Variants in SETBP1 observed in about 807,000 individuals in gnomAD.
The protein encoded by SETBP1 is SET binding protein 1.
Under a neutral mutation model 101.0 loss-of-function variants are expected in SETBP1, and 9 were observed. The observed-to-expected ratio is 0.09, with a 90% CI of 0.05 to 0.16. The LOEUF (loss-of-function observed/expected upper bound fraction) is 0.16, where lower values mean the gene tolerates loss of function less well. SETBP1 is among the 10% of genes least tolerant of loss of function. SETBP1 has a pLI of 1.00. For missense variants in SETBP1, 1,858 were observed against 2,033.8 expected, an observed-to-expected ratio of 0.91 and a Z score of 1.66; for synonymous variants, 818 against 788.5, an observed-to-expected ratio of 1.04 and a Z score of -0.63.
At chr18:44,908,408 T>G (rs747510020) in intron 3 of SETBP1, among the ~76,000 whole-genome samples, 9 of 152,158 alleles carry the variant, frequency 5.9e-5, no homozygotes, top group Non-Finnish European at 1.0e-4. Flanking sequence ...TTCTTTTGCA[T>G]GTGTATATCA....
In SETBP1 at chr18:45,063,333, G is replaced by C; in HGVS notation, c.4426G>C (p.Glu1476Gln). ...EDSRDQMPVL[E>Q]KCIDLPSKRG... ...CTCCAGAGACCAAATGCCGGTGCTG[G>C]AAAAATGCATCGACCTGCCCAGCAA... Residue 1476 changes from glutamate (E) to glutamine (Q), a missense_variant, in exon 6 of 6, where the codon GAA becomes CAA. Glu to Gln is a conservative substitution (Grantham distance 29, BLOSUM62 2). Around this residue, in one of 12 missense-constraint regions of SETBP1, gnomAD observed 178 missense variants for 189.1 expected, o/e 0.94. Coordinates refer to ENST00000649279, the MANE Select transcript of SETBP1 (RefSeq NM_015559.3). 1.3e-6 allele frequency: 2 copies of C among 1,595,098 alleles called. No individual in the cohort carries two copies. Among genetic ancestry groups the C allele is most frequent in the Non-Finnish European group, 1.7e-6 (2 of 1,170,996 alleles).
At chr18:44,730,915 C>A (rs559248904) in intron 2 of SETBP1, among the ~76,000 whole-genome samples, 1 of 152,208 alleles carries the variant, frequency 6.6e-6, no homozygotes, top group Non-Finnish European at 1.5e-5. Context: ...GGTTGTGGAT[C>A]GGCCTAGTAG....
In SETBP1 at chr18:44,844,721, AGGCGGCAT is replaced by A. The variant is rs1568176780; in HGVS notation, c.487-24507_487-24500del. Among the ~76,000 whole-genome samples, 3 of 152,056 alleles carry A rather than the reference AGGCGGCAT, an allele frequency of 2.0e-5. No homozygotes were observed. In the East Asian group the frequency reaches 5.8e-4, roughly 30 times the overall value. On this transcript the variant is annotated intron_variant, in intron 2 of 5. Coordinates refer to ENST00000649279, the MANE Select transcript of SETBP1 (RefSeq NM_015559.3). ...CATGAATTAGGTGGACAGCTCAGCA[AGGCGGCAT>A]GTGCTAAGTGCCTCCATGAGGGTTC...
chr18:44,808,809 C>A (rs1334014677), intron 2 of SETBP1, among the ~76,000 whole-genome samples: 3 of 152,160 alleles, frequency 2.0e-5, no homozygotes, highest in Non-Finnish European at 4.4e-5. Context: ...GGAAGACTTA[C>A]AAAACAAACA....
At chr18:44,924,001 C>G (rs527768506) in intron 3 of SETBP1, among the ~76,000 whole-genome samples, 39 of 152,274 alleles carry the variant, frequency 2.6e-4, no homozygotes, top group African/African-American at 9.4e-4. Flanking sequence ...GAGACCCACA[C>G]TCCAGTCCGT....
intron 3 of SETBP1, among the ~76,000 whole-genome samples, chr18:44,925,327 G>T (rs2070682207): frequency 6.6e-6 from 1 of 152,108 alleles, no homozygotes; most frequent in Admixed American, 6.5e-5. Flanking sequence ...AAGAAGAGAG[G>T]ACAGGCTGTA....
At chr18:44,810,229 G>T (rs540158068) in intron 2 of SETBP1, among the ~76,000 whole-genome samples, 3 of 152,332 alleles carry the variant, frequency 2.0e-5, no homozygotes, top group South Asian at 2.1e-4. Flanking sequence ...AGAAAATCAA[G>T]ATTTGAGAAT....
chr18:44,987,829 T>C (rs370683790), intron 4 of SETBP1: 22 of 152,270 alleles, frequency 1.4e-4, no homozygotes, highest in Admixed American at 5.9e-4. Flanking sequence ...TGTATGAGAG[T>C]GTGGCCATGT....
chr18:44,876,869 C>T, intron 3 of SETBP1: 1 of 1,405,460 alleles, frequency 7.1e-7, no homozygotes, highest in South Asian at 1.8e-5. Context: ...GGCTTATGAT[C>T]TTCTCTGCCT....
At position 44,726,208 on chromosome 18, in the gene SETBP1, T is replaced by C. The variant is rs377400573; in HGVS notation, c.486+24376T>C. 4.1e-4 allele frequency among the ~76,000 whole-genome samples: 62 copies of C among 152,330 alleles called. No homozygotes were observed. The Middle Eastern group carries it at 0.031, about 75-fold the overall frequency. On this transcript the variant is annotated intron_variant, in intron 2 of 5. Transcript: ENST00000649279. Reference sequence around the variant, plus strand: ...CTCATGTGAGTTGTTACACATAGCTTGTAAGTGACATTTCAAGCCTTCTTG... The same window carrying C: ...CTCATGTGAGTTGTTACACATAGCTCGTAAGTGACATTTCAAGCCTTCTTG...
intron 2 of SETBP1, among the ~76,000 whole-genome samples, chr18:44,764,448 TTTC>T (rs1252638816): frequency 6.6e-6 from 1 of 152,176 alleles, no homozygotes; most frequent in Non-Finnish European, 1.5e-5. Context: ...TTCTTCCTTC[TTTC>T]TTCTTCTTTC....
intron 3 of SETBP1, among the ~76,000 whole-genome samples, chr18:44,879,104 T>C (rs1274973974): frequency 6.6e-6 from 1 of 152,220 alleles, no homozygotes; most frequent in Admixed American, 6.5e-5. Flanking sequence ...CAATGATACA[T>C]GGAGGGGAAA....
intron 2 of SETBP1, among the ~76,000 whole-genome samples, chr18:44,841,135 G>A (rs576218188): frequency 5.9e-5 from 9 of 152,218 alleles, no homozygotes; most frequent in African/African-American, 1.7e-4. Context: ...AGGTCATTCC[G>A]GCTCATGGTC....
chr18:45,027,935 T>C (rs1371858224), intron 4 of SETBP1, among the ~76,000 whole-genome samples: 1 of 152,202 alleles, frequency 6.6e-6, no homozygotes, highest in African/African-American at 2.4e-5. Context: ...TCCGTGATCA[T>C]GACTTCCTTC....
At chr18:45,029,328 G>A (rs2073239737) in intron 4 of SETBP1, among the ~76,000 whole-genome samples, 1 of 151,872 alleles carries the variant, frequency 6.6e-6, no homozygotes, top group Non-Finnish European at 1.5e-5. Context: ...TTGTAGATAT[G>A]CGGCATTATT....
intron 2 of SETBP1, among the ~76,000 whole-genome samples, chr18:44,843,787 GCA>G (rs2072669526): frequency 6.6e-6 from 1 of 152,166 alleles, no homozygotes; most frequent in African/African-American, 2.4e-5. Flanking sequence ...GTGAGGCTAG[GCA>G]CACAGTCAGG....
intron 5 of SETBP1, 65 bp from the exon 6 acceptor site, chr18:45,063,014 G>A: frequency 6.2e-7 from 1 of 1,608,008 alleles, no homozygotes; most frequent in Non-Finnish European, 8.5e-7. Flanking sequence ...AGCTGTCAGT[G>A]AAGAGGCTGA....
Position 44,796,423 on chromosome 18 carries a change from C to T in SETBP1, c.487-72807C>T, listed in dbSNP as rs186214638. Reference sequence around the variant, plus strand: ...CTAGACCAGTGCTTGTCCATCCTCACTGAATGCACGTAAGAATGACCTGGG... The same window carrying T: ...CTAGACCAGTGCTTGTCCATCCTCATTGAATGCACGTAAGAATGACCTGGG... On this transcript the variant is annotated intron_variant, in intron 2 of 5. Coordinates refer to ENST00000649279, the MANE Select transcript of SETBP1 (RefSeq NM_015559.3). Among the ~76,000 whole-genome samples the T allele has an allele frequency of 1.6e-4, 24 of 152,338 alleles. No individual in the cohort carries two copies. The East Asian group carries it at 4.4e-3, about 28-fold the overall frequency.
At chr18:44,987,949 G>C (rs1263470193) in intron 4 of SETBP1, 1 of 151,910 alleles carries the variant, frequency 6.6e-6, no homozygotes, top group South Asian at 2.1e-4. Context: ...CCTTTTCCCA[G>C]GCATAGTTTC....
Sources: gnomAD v4.1 joint callset for allele counts (sites outside exome capture counted in the v4.1 genomes callset) on GRCh38, gnomAD v4.1.1 for gene constraint, gnomAD v4.1.1 regional missense constraint, MANE v1.5 for transcripts, NCBI Gene and HGNC (gene_info 2026-07-23, HGNC 2026-07-21) for gene names.